XRCC4: variants seen among roughly 807,000 people sequenced by gnomAD.
The protein encoded by XRCC4 is DNA repair protein XRCC4.
XRCC4 carries 28 observed loss-of-function variants against 39.1 expected under a neutral mutation model. The ratio of observed to expected loss-of-function variants is 0.72; its 90% CI spans 0.53 to 0.98. XRCC4 has a LOEUF of 0.98. Among genes scored for constraint, XRCC4 ranks in the 50% least tolerant of loss-of-function variants. The pLI is 0.00. For missense variants in XRCC4, 350 were observed against 376.4 expected (o/e 0.93, Z 0.58); for synonymous variants, 123 against 126.4 (o/e 0.97, Z 0.18).
chr5:83,273,635 G>A (rs1754220791), intron 7 of XRCC4, among the ~76,000 whole-genome samples: 1 of 152,110 alleles, frequency 6.6e-6, no homozygotes, highest in Admixed American at 6.5e-5. Context: ...TTCTGCATAT[G>A]GCTACCCAGT....
At chr5:83,207,593 T>C (rs1292794231) in intron 6 of XRCC4, among the ~76,000 whole-genome samples, 2 of 152,032 alleles carry the variant, frequency 1.3e-5, no homozygotes, top group Non-Finnish European at 2.9e-5. Context: ...AGATGCTGAC[T>C]GAAATAGAAA....
intron 6 of XRCC4, among the ~76,000 whole-genome samples, chr5:83,252,829 A>G (rs767545853): frequency 6.6e-6 from 1 of 152,198 alleles, no homozygotes; most frequent in Non-Finnish European, 1.5e-5. Context: ...AAAAAATAAG[A>G]TACACATTTG....
intron 4 of XRCC4, among the ~76,000 whole-genome samples, chr5:83,199,691 GA>G (rs1385566576): frequency 4.6e-5 from 7 of 151,582 alleles, no homozygotes; most frequent in African/African-American, 1.7e-4. Context: ...GTTATTCTTA[GA>G]TTGTTTTCCC....
At chr5:83,220,657 C>T (rs1235989992) in intron 6 of XRCC4, among the ~76,000 whole-genome samples, 1 of 152,014 alleles carries the variant, frequency 6.6e-6, no homozygotes, top group Non-Finnish European at 1.5e-5. Flanking sequence ...CAATGTGAGA[C>T]CCTTAGTGGC....
At chr5:83,246,600 T>C (rs1168887796) in intron 6 of XRCC4, among the ~76,000 whole-genome samples, 2 of 152,150 alleles carry the variant, frequency 1.3e-5, no homozygotes, top group African/African-American at 4.8e-5. Flanking sequence ...AGCAACATGA[T>C]GAATCATTTT....
chr5:83,097,549 C>CT lies in XRCC4; in HGVS notation c.-10-7350dup, dbSNP rs5869161. Reference sequence around the variant, plus strand: ...AGTTACATTTCAGTTCTGAAAAACACTTTTTTTTTTTAAGTAGAAAAGACT... The same window carrying CT: ...AGTTACATTTCAGTTCTGAAAAACACTTTTTTTTTTTTAAGTAGAAAAGACT... On this transcript the variant is annotated intron_variant, in intron 1 of 7. Coordinates refer to ENST00000396027, the MANE Select transcript of XRCC4 (RefSeq NM_003401.5). Among the ~76,000 whole-genome samples, 51 of 148,820 alleles carry CT rather than the reference C, an allele frequency of 3.4e-4. 1 individual carries two copies. The East Asian group carries it at 6.2e-3, about 18-fold the overall frequency.
intron 6 of XRCC4, among the ~76,000 whole-genome samples, chr5:83,256,716 C>G (rs1177345963): frequency 6.6e-6 from 1 of 150,760 alleles, no homozygotes; most frequent in African/African-American, 2.4e-5. Context: ...AAAAAAAGTC[C>G]TAAAATTTAA....
intron 3 of XRCC4, among the ~76,000 whole-genome samples, chr5:83,182,013 G>A (rs1339625961): frequency 6.6e-6 from 1 of 151,630 alleles, no homozygotes; most frequent in Non-Finnish European, 1.5e-5. Context: ...AATGCTGATA[G>A]ATATATGTTA....
chr5:83,079,381 A>T (rs1381559570), intron 1 of XRCC4, among the ~76,000 whole-genome samples: 1 of 152,168 alleles, frequency 6.6e-6, no homozygotes, highest in Admixed American at 6.5e-5. Flanking sequence ...TGTCTTACAT[A>T]AACCCCCTAC....
intron 7 of XRCC4, chr5:83,279,909 T>A (rs1754476862): frequency 6.3e-6 from 1 of 159,270 alleles, no homozygotes; most frequent in East Asian, 1.9e-4. Flanking sequence ...AGTTGTTTTT[T>A]CCCTTTATGC....
intron 6 of XRCC4, among the ~76,000 whole-genome samples, chr5:83,231,460 A>G (rs1435802202): frequency 6.6e-6 from 1 of 152,088 alleles, no homozygotes; most frequent in East Asian, 1.9e-4. Context: ...TGGTGAATGA[A>G]TGCTTTGCAG....
chr5:83,125,398 A>C (rs1451714919), intron 3 of XRCC4, among the ~76,000 whole-genome samples: 1 of 152,104 alleles, frequency 6.6e-6, no homozygotes, highest in African/African-American at 2.4e-5. Flanking sequence ...TTTCTTTTAA[A>C]GGTTTTGTAG....
At chr5:83,160,479 G>A (rs1027894398) in intron 3 of XRCC4, among the ~76,000 whole-genome samples, 2 of 152,110 alleles carry the variant, frequency 1.3e-5, no homozygotes, top group African/African-American at 4.8e-5. Flanking sequence ...GGGATTGGTG[G>A]TAACAGCCTC....
At chr5:83,280,589 G>C (rs1449280900) in intron 7 of XRCC4, 1 of 440,154 alleles carries the variant, frequency 2.3e-6, no homozygotes, top group Non-Finnish European at 4.2e-6. Context: ...GCCGACTTCA[G>C]ATGGCATCCC....
At chr5:83,166,146 C>T (rs1561375676) in intron 3 of XRCC4, among the ~76,000 whole-genome samples, 1 of 152,092 alleles carries the variant, frequency 6.6e-6, no homozygotes, top group Non-Finnish European at 1.5e-5. Context: ...CTTGGCCTCC[C>T]AAAGTGCTGG....
chr5:83,146,127 A>G (rs911165248), intron 3 of XRCC4, among the ~76,000 whole-genome samples: 5 of 152,176 alleles, frequency 3.3e-5, no homozygotes, highest in African/African-American at 1.2e-4. Flanking sequence ...GCCTTGCCTA[A>G]TTAAAGTCAT....
intron 3 of XRCC4, among the ~76,000 whole-genome samples, chr5:83,187,470 A>G (rs1162689840): frequency 6.6e-6 from 1 of 152,222 alleles, no homozygotes; most frequent in African/African-American, 2.4e-5. Flanking sequence ...TTCAAGAATT[A>G]GCTTGTAGAC....
At chr5:83,193,720 T>TA (rs1050149541) in intron 3 of XRCC4, among the ~76,000 whole-genome samples, 9 of 152,086 alleles carry the variant, frequency 5.9e-5, no homozygotes, top group Middle Eastern at 3.2e-3. Context: ...TTTCAAATGT[T>TA]AAAAAAAACT....
chr5:83,224,350 C>T (rs1240107829), intron 6 of XRCC4, among the ~76,000 whole-genome samples: 1 of 152,062 alleles, frequency 6.6e-6, no homozygotes, highest in African/African-American at 2.4e-5. Context: ...TAACAGTTTA[C>T]TTTAAGCTGG....
Sources: allele counts gnomAD v4.1 joint callset (sites outside exome capture counted in the v4.1 genomes callset), GRCh38; gene constraint gnomAD v4.1.1; transcripts MANE v1.5; gene names NCBI Gene and HGNC (gene_info 2026-07-23, HGNC 2026-07-21).